The following TFEC variants were observed in gnomAD, a reference collection of about 807,000 sequenced individuals.
TFEC encodes the protein class E basic helix-loop-helix protein 34.
A neutral mutation model predicts 41.6 loss-of-function variants in TFEC; 31 were observed. The observed-to-expected ratio is 0.74, with a 90% CI of 0.56 to 1.01. The LOEUF (loss-of-function observed/expected upper bound fraction) is 1.01. Ranked by LOEUF, TFEC falls within the 50% of genes least tolerant of loss-of-function variation. The pLI, the probability that TFEC is intolerant of heterozygous loss-of-function variation, is 0.00. For missense variants in TFEC, 402 were observed against 404.1 expected (o/e 0.99, Z 0.04); for synonymous variants, 143 against 140.6 (o/e 1.02, Z -0.12).
rs367617597 is a variant in TFEC, at chr7:115,940,631, G to T, written c.964C>A (p.Leu322Ile). The T allele has an allele frequency of 1.2e-4, 201 of 1,613,432 alleles. No individual in the cohort carries two copies. The highest frequency in any genetic ancestry group is 1.6e-4 in the Non-Finnish European group (190 of 1,179,648). Residue 322 changes from leucine to isoleucine, a missense_variant, in exon 8 of 8, where the codon CTA (leucine) becomes ATA (isoleucine). Leu to Ile is a conservative substitution (Grantham distance 5, BLOSUM62 2). Transcript: ENST00000265440. ...GAAACTGCAGGGGAAGTGGCAGATA[G>T]CAGAGGATCTGTTCCAAATGGAGAG... is the stretch of plus-strand genomic sequence containing the variant. ...TISPFGTDPLLSATSPAVSKE... is the reference protein window; with the variant it reads ...TISPFGTDPLISATSPAVSKE...
chr7:115,962,682 A>C (rs1385431791), intron 3 of TFEC, among the ~76,000 whole-genome samples: 1 of 151,874 alleles, frequency 6.6e-6, no homozygotes, highest in East Asian at 1.9e-4. Context: ...CACATACAAA[A>C]ATTAACTCAA....
intron 3 of TFEC, among the ~76,000 whole-genome samples, chr7:116,057,231 A>G (rs541598739): frequency 1.3e-5 from 2 of 151,784 alleles, no homozygotes; most frequent in African/African-American, 4.9e-5. Flanking sequence ...AGCAAAGGGG[A>G]ACAGAAAAAA....
chr7:116,025,017 C>T (rs1795535590), intron 1 of TFEC, among the ~76,000 whole-genome samples: 1 of 152,094 alleles, frequency 6.6e-6, no homozygotes. Flanking sequence ...TCCATTAGGC[C>T]TGAATCCAAG....
rs191580229 is a variant in TFEC, at chr7:116,084,020, T to C, written c.198+26688A>G. 2.6e-4 allele frequency among the ~76,000 whole-genome samples: 40 copies of C among 152,050 alleles called. No individual in the cohort carries two copies. The East Asian group carries it at 6.2e-3, about 23-fold the overall frequency. ...ATGTATTACTTGCTAGCACCCACCA[T>C]ATCACTTTGTGTCTTTGTCTTGATC... is the stretch of plus-strand genomic sequence containing the variant. On this transcript the variant is annotated intron_variant, in intron 3 of 8. Transcript: ENST00000484212.
chr7:115,979,934 T>A (rs1409155223), intron 2 of TFEC, among the ~76,000 whole-genome samples: 4 of 152,186 alleles, frequency 2.6e-5, no homozygotes, highest in African/African-American at 9.6e-5. Flanking sequence ...TCATGTAGCA[T>A]GAAACTTAAC....
intron 1 of TFEC, among the ~76,000 whole-genome samples, chr7:116,017,828 C>T (rs1028605210): frequency 5.1e-4 from 78 of 152,240 alleles, no homozygotes; most frequent in African/African-American, 1.8e-3. Flanking sequence ...AGGTCCTTCC[C>T]TAATATATTT....
At chr7:116,064,805 C>T (rs1236924653) in intron 3 of TFEC, among the ~76,000 whole-genome samples, 1 of 152,120 alleles carries the variant, frequency 6.6e-6, no homozygotes, top group Non-Finnish European at 1.5e-5. Context: ...TCAAGGAGTT[C>T]TGGGCCTTAA....
chr7:116,031,853 C>G (rs1218671262), upstream of TFEC, among the ~76,000 whole-genome samples: 1 of 151,976 alleles, frequency 6.6e-6, no homozygotes, highest in Non-Finnish European at 1.5e-5. Flanking sequence ...TATCATACAT[C>G]TAAATCTCCT....
At chr7:116,110,768 C>A in exon 3 of TFEC, 1 of 1,544,880 alleles carries the variant, frequency 6.5e-7, no homozygotes, top group Non-Finnish European at 8.7e-7. Context: ...CAAGTCTATG[C>A]AACACTGGTT....
intron 1 of TFEC, among the ~76,000 whole-genome samples, chr7:116,026,889 A>T (rs967331407): frequency 6.6e-6 from 1 of 152,204 alleles, no homozygotes; most frequent in African/African-American, 2.4e-5. Context: ...GTAGAAGAGG[A>T]AAAGTGATTG....
intron 3 of TFEC, among the ~76,000 whole-genome samples, chr7:116,075,150 T>TA (rs1796927436): frequency 6.6e-6 from 1 of 152,222 alleles, no homozygotes. Flanking sequence ...GTAAATATAC[T>TA]AAAAAACTAT....
rs147007136 is a variant in TFEC, at chr7:115,946,012, A to G, written c.516-3972T>C. 1.0e-3 allele frequency among the ~76,000 whole-genome samples: 154 copies of G among 151,944 alleles called. No homozygotes were observed. The Middle Eastern group carries it at 0.01, about 10-fold the overall frequency. Reference sequence around the variant, plus strand: ...AAGTACTTACCATTCTATGTTCTAGAAAATGAATTAGAACTAGAAAGGAGT... The same window carrying G: ...AAGTACTTACCATTCTATGTTCTAGGAAATGAATTAGAACTAGAAAGGAGT... On this transcript the variant is annotated intron_variant, in intron 6 of 7. Transcript: ENST00000265440.
At chr7:116,044,326 G>T (rs1191723557) in intron 3 of TFEC, among the ~76,000 whole-genome samples, 1 of 152,114 alleles carries the variant, frequency 6.6e-6, no homozygotes, top group East Asian at 1.9e-4. Flanking sequence ...TAAGGTATTT[G>T]TACAAAATGT....
intron 1 of TFEC, among the ~76,000 whole-genome samples, chr7:116,018,897 C>T (rs1207478722): frequency 2.0e-5 from 3 of 152,156 alleles, no homozygotes; most frequent in Admixed American, 6.6e-5. Context: ...TATCTTCCAC[C>T]ACAGCAGCCT....
rs536335327 is a variant in TFEC at position 116,059,925 on chromosome 7, CTCTTGCCATT to C, written c.198+50773_198+50782del. 4.0e-3 allele frequency among the ~76,000 whole-genome samples: 612 copies of C among 152,098 alleles called. 5 individuals are homozygous for C. The highest frequency in any genetic ancestry group is 0.014 in the African/African-American group (580 of 41,536). On this transcript the variant is annotated intron_variant, in intron 3 of 8. Transcript: ENST00000484212. Reference sequence around the variant, plus strand: ...AAATCAGAAATGACAAAAATGTTGTCTCTTGCCATTTCTATTGTACTAAAGTTTTTATGAG... The same window carrying C: ...AAATCAGAAATGACAAAAATGTTGTCTCTATTGTACTAAAGTTTTTATGAG...
chr7:116,110,817 C>A (rs749502249), exon 3 of TFEC: 32 of 1,548,454 alleles, frequency 2.1e-5, no homozygotes, highest in Non-Finnish European at 2.6e-5. Context: ...TCTATGGGCA[C>A]TGATTTCCTG....
intron 1 of TFEC, among the ~76,000 whole-genome samples, chr7:116,158,162 C>T (rs1032499380): frequency 6.6e-6 from 1 of 152,040 alleles, no homozygotes; most frequent in Non-Finnish European, 1.5e-5. Flanking sequence ...GAAAACTTAA[C>T]ACATTTTTGG....
intron 1 of TFEC, among the ~76,000 whole-genome samples, chr7:115,989,994 T>C (rs1794035630): frequency 6.6e-6 from 1 of 152,114 alleles, no homozygotes; most frequent in Non-Finnish European, 1.5e-5. Flanking sequence ...CTGACTGACA[T>C]CTCATACAGC....
At chr7:116,081,058 G>T (rs1797078833) in intron 3 of TFEC, among the ~76,000 whole-genome samples, 1 of 151,148 alleles carries the variant, frequency 6.6e-6, no homozygotes, top group African/African-American at 2.4e-5. Context: ...AAAAATGAAT[G>T]AAATAATGTC....
Sources: gnomAD v4.1 joint callset for allele counts (sites outside exome capture counted in the v4.1 genomes callset) on GRCh38, gnomAD v4.1.1 for gene constraint, MANE v1.5 for transcripts, NCBI Gene and HGNC (gene_info 2026-07-23, HGNC 2026-07-21) for gene names.